POMT2: variants seen among roughly 807,000 people sequenced by gnomAD.
POMT2 encodes protein O-mannosyl-transferase 2.
Under a neutral mutation model 100.0 loss-of-function variants are expected in POMT2, and 75 were observed. That is an observed-to-expected ratio of 0.75 (90% confidence interval 0.62 to 0.91). The LOEUF (loss-of-function observed/expected upper bound fraction) is 0.91, where lower values mean the gene tolerates loss of function less well. Among genes scored for constraint, POMT2 ranks in the 40% least tolerant of loss-of-function variants. POMT2 has a pLI of 0.00. For missense variants in POMT2, 940 were observed against 955.1 expected, an observed-to-expected ratio of 0.98 and a Z score of 0.21; for synonymous variants, 378 against 374.1, an observed-to-expected ratio of 1.01 and a Z score of -0.12.
chr14:77,312,061 G>A (rs762058649), intron 1 of POMT2, 28 bp from the exon 2 acceptor site: 3 of 1,611,434 alleles, frequency 1.9e-6, no homozygotes, highest in Admixed American at 3.4e-5. Context: ...AGAGAAACAA[G>A]AATTTTAAAA....
intron 20 of POMT2, 73 bp downstream of exon 20, chr14:77,278,320 AT>A: frequency 8.3e-7 from 1 of 1,208,544 alleles, no homozygotes. Context: ...ACCGCAGGGG[AT>A]TCTCGAATGC....
chr14:77,286,874 A>C, intron 11 of POMT2, 52 bp from the exon 12 acceptor site: 1 of 1,613,444 alleles, frequency 6.2e-7, no homozygotes, highest in Non-Finnish European at 8.5e-7. Flanking sequence ...ATGATGTGCA[A>C]CATTTCTTCT....
Position 77,304,701 on chromosome 14 carries a change from G to A in POMT2, c.538C>T (p.Leu180Phe). 1 of 1,587,908 alleles carries A rather than the reference G, an allele frequency of 6.3e-7. No individual in the cohort carries two copies. Among genetic ancestry groups the A allele is most frequent in the Non-Finnish European group, 8.6e-7 (1 of 1,168,132 alleles). The change falls in exon 4 of 21, where the codon CTC (leucine) becomes TTC (phenylalanine). Residue 180 changes from leucine to phenylalanine, a missense_variant. Leu to Phe is a conservative substitution (Grantham distance 22). Coordinates refer to ENST00000261534, the MANE Select transcript of POMT2 (RefSeq NM_013382.7). ...LSAALLTAAL[L>F]TFDTGCLTLS... ...GGCTAAGACAACTTACCAAAGGTGA[G>A]GAGGGCAGCTGTGAGCAGTGCTGCC...
At chr14:77,320,207 G>A (rs1594812016) in intron 1 of POMT2, 6 of 701,844 alleles carry the variant, frequency 8.5e-6, no homozygotes, top group South Asian at 3.5e-5. Context: ...AGACATGAGG[G>A]CTGCTTCCTC....
At chr14:77,282,194 G>A (rs1428200391) in intron 15 of POMT2, among the ~76,000 whole-genome samples, 1 of 152,182 alleles carries the variant, frequency 6.6e-6, no homozygotes, top group African/African-American at 2.4e-5. Flanking sequence ...ACCAAGCCAA[G>A]GGAATCTTAT....
chr14:77,288,379 A>C (rs567654735), intron 11 of POMT2, among the ~76,000 whole-genome samples: 13 of 152,322 alleles, frequency 8.5e-5, no homozygotes, highest in African/African-American at 2.4e-4. Flanking sequence ...ACTTAAGAAG[A>C]AGCTTTGGGA....
chr14:77,305,516 C>T (rs1891193118), intron 3 of POMT2, among the ~76,000 whole-genome samples: 1 of 152,194 alleles, frequency 6.6e-6, no homozygotes, highest in Non-Finnish European at 1.5e-5. Context: ...CACTTAAGAA[C>T]AAGAACTTGA....
Position 77,280,374 on chromosome 14 carries a change from C to T in POMT2, c.1725+18G>A, listed in dbSNP as rs764130859. On this transcript the variant is annotated intron_variant, in intron 16 of 20. Transcript: ENST00000261534. ...CTTGGCTCCATTTCCTGGGAGGAGC[C>T]CCAGCCTTGGATCCTACCTGATAGT... 1.2e-6 allele frequency: 2 copies of T among 1,614,110 alleles called. No homozygotes were observed. The highest frequency in any genetic ancestry group is 1.3e-5 in the African/African-American group (1 of 75,026).
At chr14:77,308,678 C>T (rs1891325300) in intron 2 of POMT2, 2 of 406,004 alleles carry the variant, frequency 4.9e-6, no homozygotes, top group South Asian at 1.8e-5. Flanking sequence ...AAAGTATGAT[C>T]GTACCAGTGC....
intron 18 of POMT2, chr14:77,279,622 T>G: frequency 1.4e-6 from 1 of 695,280 alleles, no homozygotes; most frequent in Non-Finnish European, 2.6e-6. Context: ...TAGCCAACGC[T>G]CTAGTGTTGT....
intron 11 of POMT2, chr14:77,287,150 T>C (rs1219657445): frequency 8.2e-6 from 3 of 363,682 alleles, no homozygotes; most frequent in Non-Finnish European, 1.6e-5. Flanking sequence ...TTGCCTGACT[T>C]AGGAGGCAGG....
chr14:77,279,849 C>T lies in POMT2; in HGVS notation c.1865G>A (p.Gly622Glu). ...TGCAACCTCCGCTGGCAGCCGTGCC[C>T]CTCTCTGCATGGCTACAGCAATGAT... Reference protein sequence around the residue: ...GSIIAVAMQRGARLPAEVAGL... With the variant: ...GSIIAVAMQREARLPAEVAGL... Residue 622 changes from glycine to glutamate, a missense_variant, in exon 18 of 21, where the codon GGG becomes GAG. By Grantham distance (98) the Gly-to-Glu change is moderately conservative (BLOSUM62 -2). Coordinates refer to ENST00000261534, the MANE Select transcript of POMT2 (RefSeq NM_013382.7). 1 of 1,613,884 alleles carries T rather than the reference C, an allele frequency of 6.2e-7. No individual in the cohort carries two copies. The highest frequency in any genetic ancestry group is 8.5e-7 in the Non-Finnish European group (1 of 1,179,992).
chr14:77,286,903 A>T, intron 11 of POMT2, 81 bp from the exon 12 acceptor site: 1 of 1,606,106 alleles, frequency 6.2e-7, no homozygotes, highest in Non-Finnish European at 8.5e-7. Context: ...GGATGTTCAG[A>T]GTCAACTGTC....
Position 77,320,765 on chromosome 14 carries a change from G to C in POMT2, c.-84C>G. On this transcript the variant is annotated 5_prime_UTR_variant, in exon 1 of 21. Transcript: ENST00000261534. ...CCCGCCAAGGAGTCACAAGAGGGCA[G>C]CTCGGGGTACCCCGGGAAATGCAAC... 1 of 1,521,040 alleles carries C rather than the reference G, an allele frequency of 6.6e-7. No homozygotes were observed. The highest frequency in any genetic ancestry group is 8.7e-7 in the Non-Finnish European group (1 of 1,144,860). 94.2% of individuals were successfully genotyped at this position (1,521,040 alleles called of 1,614,324 possible).
At position 77,301,187 on chromosome 14, in the gene POMT2, A is replaced by G. The variant is rs1320752706; in HGVS notation, c.719T>C (p.Leu240Ser). The change falls in exon 6 of 21, where the codon TTA becomes TCA. Residue 240 changes from leucine to serine, a missense_variant. By Grantham distance (145) the Leu-to-Ser change is moderately radical. Coordinates refer to ENST00000261534, the MANE Select transcript of POMT2 (RefSeq NM_013382.7). ...SLTGVSLAGA[L>S]GVKFVGLFII... ...AAAGAGGCCAACAAACTTGACCCCT[A>G]AAGCACCAGCAAGACTAACGCCAGT... 1 of 1,614,264 alleles carries G rather than the reference A, an allele frequency of 6.2e-7. No individual in the cohort carries two copies. Among genetic ancestry groups the G allele is most frequent in the Non-Finnish European group, 8.5e-7 (1 of 1,180,054 alleles).
chr14:77,286,801 A>G lies in POMT2; in HGVS notation c.1275T>C (p.Ser425=). Residue 425 remains serine, a synonymous_variant, in exon 12 of 21, where the codon AGT becomes AGC. Transcript: ENST00000261534. ...EHKETSRNLH[S]HYHEAPMTRK... ...GGGTCATGGGGGCCTCATGATAGTG[A>G]CTGTGCAAGTTCCGGGAAGTTCTAG... The G allele has an allele frequency of 6.2e-7, 1 of 1,614,200 alleles. No homozygotes were observed. Among genetic ancestry groups the G allele is most frequent in the Non-Finnish European group, 8.5e-7 (1 of 1,180,034 alleles).
intron 4 of POMT2, 134 bp from the exon 5 acceptor site, chr14:77,303,077 G>T (rs1388860960): frequency 1.4e-6 from 1 of 730,990 alleles, no homozygotes. Context: ...CAGGACTAGA[G>T]TCAACACTGA....
intron 18 of POMT2, 50 bp from the exon 19 acceptor site, chr14:77,278,919 T>G: frequency 1.3e-6 from 2 of 1,585,898 alleles, no homozygotes; most frequent in Non-Finnish European, 1.7e-6. Flanking sequence ...CGGGCAGAGA[T>G]TCCAGGCTCT....
At chr14:77,279,762 C>G in intron 18 of POMT2, 61 bp downstream of exon 18, 3 of 1,532,734 alleles carry the variant, frequency 2.0e-6, no homozygotes, top group Non-Finnish European at 2.7e-6. Flanking sequence ...CCGGCCCTCC[C>G]CAGGGGTGCA....
Sources: allele counts gnomAD v4.1 joint callset (sites outside exome capture counted in the v4.1 genomes callset), GRCh38; gene constraint gnomAD v4.1.1; transcripts MANE v1.5; gene names NCBI Gene and HGNC (gene_info 2026-07-23, HGNC 2026-07-21).